Variants in ANKRD26 observed in about 807,000 individuals in gnomAD.
The protein encoded by ANKRD26 is ankyrin repeat domain-containing protein 26.
ANKRD26 carries 141 observed loss-of-function variants against 208.7 expected under a neutral mutation model. The observed-to-expected ratio is 0.68, with a 90% CI of 0.59 to 0.78. ANKRD26 has a LOEUF of 0.78. Among genes scored for constraint, ANKRD26 ranks in the 30% least tolerant of loss-of-function variants. The pLI is 0.00. For missense variants in ANKRD26, 1,889 were observed against 1,938.7 expected (o/e 0.97, Z 0.48); for synonymous variants, 636 against 660.4 (o/e 0.96, Z 0.57).
At chr10:27,043,368 A>G in intron 20 of ANKRD26, 58 bp downstream of exon 20, 4 of 1,569,414 alleles carry the variant, frequency 2.5e-6, no homozygotes, top group East Asian at 4.5e-5. Context: ...CATTTATTAC[A>G]TTACATACAT....
At chr10:27,036,488 G>A (rs189702604) in intron 23 of ANKRD26, among the ~76,000 whole-genome samples, 1 of 152,132 alleles carries the variant, frequency 6.6e-6, no homozygotes, top group Non-Finnish European at 1.5e-5. Flanking sequence ...ATGGTAAATA[G>A]GACAAAATTT....
chr10:26,961,819 C>T, the ANKRD26 span, among the ~76,000 whole-genome samples: 11 of 152,206 alleles, frequency 7.2e-5, no homozygotes, highest in African/African-American at 2.4e-4. Context: ...CCATTGTTAT[C>T]TCTAGGTGTG....
chr10:27,071,196 C>T lies in ANKRD26; in HGVS notation c.1078-3910G>A, dbSNP rs1352111119. ...TTTTTTTTTTTTTGAGACAGAGTCT[C>T]GCTTTGTCGCCCAGGCTGGAGTGCA... On this transcript the variant is annotated intron_variant, in intron 9 of 33. Transcript: ENST00000376087. Among the ~76,000 whole-genome samples, 16 of 120,900 alleles carry T rather than the reference C, an allele frequency of 1.3e-4. 1 individual carries two copies. The highest frequency in any genetic ancestry group is 8.5e-4 in the Admixed American group (8 of 9,444). 79.3% of individuals were successfully genotyped at this position (120,900 alleles called of 152,430 possible).
chr10:26,979,879 T>C (rs1032316653), intron 5 of ANKRD26, among the ~76,000 whole-genome samples: 1 of 152,154 alleles, frequency 6.6e-6, no homozygotes, highest in Non-Finnish European at 1.5e-5. Flanking sequence ...GGCTAACAGG[T>C]TTGAGAAGTT....
chr10:26,962,962 C>T, the ANKRD26 span, among the ~76,000 whole-genome samples: 7 of 152,136 alleles, frequency 4.6e-5, no homozygotes, highest in Admixed American at 1.3e-4. Flanking sequence ...AGGCACCTTT[C>T]AGTATTAACT....
chr10:27,072,598 T>A (rs3904244), intron 9 of ANKRD26, among the ~76,000 whole-genome samples: 45,060 of 152,028 alleles, frequency 0.3, 9,221 homozygotes, highest in East Asian at 0.56. Context: ...CCTAAGGCAA[T>A]CAAATCCCAC....
At chr10:26,951,910 G>C in the ANKRD26 span, among the ~76,000 whole-genome samples, 1 of 152,180 alleles carries the variant, frequency 6.6e-6, no homozygotes, top group Non-Finnish European at 1.5e-5. Context: ...CTGCATGCAT[G>C]ACTTTCCTAC....
At position 27,030,568 on chromosome 10, in the gene ANKRD26, A is replaced by C. The variant is rs553340950; in HGVS notation, c.3808-1212T>G. On this transcript the variant is annotated intron_variant, in intron 25 of 33. Coordinates refer to ENST00000376087, the MANE Select transcript of ANKRD26 (RefSeq NM_014915.3). ...GAAAAGCTGGAGCTCTTTGGGTGGG[A>C]AAGCGGTATGAATCTACGGATCCCA... is the stretch of plus-strand genomic sequence containing the variant. 1.1e-5 allele frequency: 11 copies of C among 985,382 alleles called. No homozygotes were observed. The East Asian group carries it at 1.0e-3, about 91-fold the overall frequency. 61.0% of individuals were successfully genotyped at this position (985,382 alleles called of 1,614,324 possible).
chr10:27,005,666 G>T lies in ANKRD26; in HGVS notation c.5057C>A (p.Ser1686Ter). 6.2e-7 allele frequency: 1 copy of T among 1,612,770 alleles called. No individual in the cohort carries two copies. The highest frequency in any genetic ancestry group is 1.1e-5 in the South Asian group (1 of 90,892). Residue 1686 changes from serine (S) to a stop codon, truncating the protein, a stop_gained, in exon 34 of 34, where the codon TCA becomes TAA. Coordinates refer to ENST00000376087, the MANE Select transcript of ANKRD26 (RefSeq NM_014915.3). LOFTEE classifies it low-confidence loss of function (END_TRUNC). The stretch of plus-strand genomic sequence containing the variant: ...CCAAACTAGATCTTGATTTAGATTT[G>T]ACTCATCAGTAGACCCTAGAGGGGA... ...IASPLGSTDE[S>*]NLNQDLVWKA...
chr10:26,951,346 A>G, the ANKRD26 span, among the ~76,000 whole-genome samples: 1 of 152,168 alleles, frequency 6.6e-6, no homozygotes, highest in Non-Finnish European at 1.5e-5. Context: ...ACGTTATTTA[A>G]TTAAATCATG....
At position 27,006,957 on chromosome 10, in the gene ANKRD26, C is replaced by T; in HGVS notation, c.4959G>A (p.Gln1653=). The stretch of plus-strand genomic sequence containing the variant: ...TAGTTATATTTTTTTCCAACTCCTG[C>T]TGCATCTGAAAAAAGTCAAATGTTA... ...NSMENYLSKM[Q]QELEKNITRE... is the part of the protein sequence containing the mutation. Residue 1653 remains glutamine (Q), a synonymous_variant, in exon 33 of 34, where the codon CAG becomes CAA. Transcript: ENST00000376087. The T allele has an allele frequency of 6.2e-7, 1 of 1,609,250 alleles. No individual in the cohort carries two copies. Among genetic ancestry groups the T allele is most frequent in the Non-Finnish European group, 8.5e-7 (1 of 1,176,778 alleles).
downstream of ANKRD26, among the ~76,000 whole-genome samples, chr10:26,988,302 C>T (rs1334185488): frequency 2.0e-5 from 3 of 152,096 alleles, no homozygotes; most frequent in Non-Finnish European, 4.4e-5. Context: ...AGATAATATG[C>T]CCCCAAATTC....
chr10:27,080,479 C>A (rs967272430), intron 6 of ANKRD26, among the ~76,000 whole-genome samples: 4 of 152,278 alleles, frequency 2.6e-5, no homozygotes, highest in Non-Finnish European at 5.9e-5. Flanking sequence ...TTATAAAATC[C>A]AATTATTTTC....
At position 27,017,768 on chromosome 10, in the gene ANKRD26, C is replaced by T; in HGVS notation, c.4240G>A (p.Glu1414Lys). The part of the protein sequence containing the change: ...HKIDDLTAEL[E>K]TAGSKCLHLD... The stretch of plus-strand genomic sequence containing the variant: ...TGTAGACATTTTGAACCTGCAGTCT[C>T]CAGTTCTGCTGTAAGATCATCAATC... Residue 1414 changes from glutamate to lysine, a missense_variant, in exon 30 of 34, where the codon GAG (glutamate) becomes AAG (lysine). Physicochemically the swap from Glu to Lys is moderately conservative, Grantham distance 56. Coordinates refer to ENST00000376087, the MANE Select transcript of ANKRD26 (RefSeq NM_014915.3). 6.2e-6 allele frequency: 10 copies of T among 1,612,838 alleles called. No individual in the cohort carries two copies. The highest frequency in any genetic ancestry group is 8.5e-6 in the Non-Finnish European group (10 of 1,179,776).
At chr10:27,072,599 CA>C (rs1432218832) in intron 9 of ANKRD26, among the ~76,000 whole-genome samples, 1 of 152,202 alleles carries the variant, frequency 6.6e-6, no homozygotes, top group African/African-American at 2.4e-5. Flanking sequence ...CTAAGGCAAT[CA>C]AATCCCACCA....
chr10:27,075,304 A>AT lies in ANKRD26; in HGVS notation c.1077+2033dup, dbSNP rs561969272. On this transcript the variant is annotated intron_variant, in intron 9 of 33. Coordinates refer to ENST00000376087, the MANE Select transcript of ANKRD26 (RefSeq NM_014915.3). The stretch of plus-strand genomic sequence containing the variant: ...TAAAAGATGCAGGTTGGCAGAATGG[A>AT]TTTTTAAAAATCACAAGCCAAATTC... Among the ~76,000 whole-genome samples the AT allele has an allele frequency of 4.8e-3, 728 of 152,340 alleles. 8 individuals are homozygous for AT. The highest frequency in any genetic ancestry group is 0.017 in the African/African-American group (694 of 41,584).
downstream of ANKRD26, among the ~76,000 whole-genome samples, chr10:27,002,878 A>G (rs1000285270): frequency 1.3e-5 from 2 of 152,202 alleles, no homozygotes; most frequent in Non-Finnish European, 2.9e-5. Context: ...TACAACCACT[A>G]TCACTCACTG....
rs548881998 is a variant in ANKRD26 at position 27,070,816 on chromosome 10, C to T, written c.1078-3530G>A. On this transcript the variant is annotated intron_variant, in intron 9 of 33. Transcript: ENST00000376087. ...GAGTAGCTGGGATTATAGGCACGTG[C>T]CACCACGCCCGGCTAATTTTTTGTA... is the stretch of plus-strand genomic sequence containing the variant. Among the ~76,000 whole-genome samples, 3 of 152,186 alleles carry T rather than the reference C, an allele frequency of 2.0e-5. No individual in the cohort carries two copies. In the East Asian group the frequency reaches 5.8e-4, roughly 30 times the overall value.
At chr10:26,994,480 G>A (rs1244173866) in intron 5 of ANKRD26, among the ~76,000 whole-genome samples, 2 of 152,172 alleles carry the variant, frequency 1.3e-5, no homozygotes, top group African/African-American at 4.8e-5. Flanking sequence ...TCAGTTTGCA[G>A]AGACAGGTAT....
Sources: allele counts gnomAD v4.1 joint callset (sites outside exome capture counted in the v4.1 genomes callset), GRCh38; gene constraint gnomAD v4.1.1; transcripts MANE v1.5; gene names NCBI Gene and HGNC (gene_info 2026-07-23, HGNC 2026-07-21).